CIZ1: variants seen among roughly 807,000 people sequenced by gnomAD.
CIZ1 encodes the protein CDKN1A interacting zinc finger protein 1.
In CIZ1, 58 loss-of-function variants were observed where a neutral mutation model predicts 118.6. That is an observed-to-expected ratio of 0.49 (90% CI 0.40 to 0.61). The LOEUF (loss-of-function observed/expected upper bound fraction) is 0.61, where lower values mean the gene tolerates loss of function less well. Among genes scored for constraint, CIZ1 ranks in the 20% least tolerant of loss-of-function variants. CIZ1 has a pLI of 0.00. For missense variants in CIZ1, 921 were observed against 1,115.9 expected (o/e 0.83, Z 2.49); for synonymous variants, 448 against 443.4 (o/e 1.01, Z -0.13).
At position 128,179,372 on chromosome 9, in the gene CIZ1, C is replaced by T. The variant is rs143724477; in HGVS notation, c.835G>A (p.Val279Met). 168 of 1,612,736 alleles carry T rather than the reference C, an allele frequency of 1.0e-4. No individual in the cohort carries two copies. The African/African-American group carries it at 2.0e-3, about 19-fold the overall frequency. Residue 279 changes from valine to methionine, a missense_variant, in exon 8 of 17, where the codon GTG (valine) becomes ATG (methionine). Coordinates refer to ENST00000372938, the MANE Select transcript of CIZ1 (RefSeq NM_001131016.2). ...TEKEPPGQLQ[V>M]KAQPQARMTV... The stretch of plus-strand genomic sequence containing the variant: ...ATCCGGGCCTGCGGCTGGGCCTTCA[C>T]CTGTAACTGCCCTGGAGGTTCCTTC...
upstream of CIZ1, among the ~76,000 whole-genome samples, chr9:128,194,613 T>C (rs1833331635): frequency 6.6e-6 from 1 of 152,074 alleles, no homozygotes; most frequent in Non-Finnish European, 1.5e-5. Flanking sequence ...GGTCAGGAGT[T>C]CGAGACCAGC....
At chr9:128,168,397 T>A (rs892460328) in intron 14 of CIZ1, among the ~76,000 whole-genome samples, 2 of 151,964 alleles carry the variant, frequency 1.3e-5, no homozygotes, top group Admixed American at 1.3e-4. Flanking sequence ...GCACCTGTGA[T>A]CCCAGCTACT....
chr9:128,173,345 C>T (rs1375791520), intron 11 of CIZ1, among the ~76,000 whole-genome samples: 2 of 151,852 alleles, frequency 1.3e-5, no homozygotes, highest in African/African-American at 4.8e-5. Flanking sequence ...CGGGGTTTCA[C>T]CGTGTTAGCC....
chr9:128,178,225 A>G, intron 9 of CIZ1, 144 bp downstream of exon 9: 3 of 1,010,358 alleles, frequency 3.0e-6, no homozygotes, highest in Non-Finnish European at 4.3e-6. Flanking sequence ...TGGTCTGGCC[A>G]CCCATCCTAG....
chr9:128,167,280 C>T, intron 14 of CIZ1, 116 bp from the exon 15 acceptor site: 1 of 765,850 alleles, frequency 1.3e-6, no homozygotes, highest in Non-Finnish European at 2.1e-6. Flanking sequence ...CCTTGATTTC[C>T]AGGAGGTAGT....
At chr9:128,197,690 C>G (rs969443744) in intron 1 of CIZ1, 3 of 152,292 alleles carry the variant, frequency 2.0e-5, no homozygotes, top group Non-Finnish European at 2.9e-5. Context: ...TCTCTCTCCT[C>G]CCTTACCGCA....
Position 128,176,607 on chromosome 9 carries a change from T to G in CIZ1, c.1819-132A>C. 5.3e-6 allele frequency: 5 copies of G among 935,090 alleles called. 1 individual carries two copies. In the South Asian group the frequency reaches 8.5e-5, roughly 16 times the overall value. 57.9% of individuals were successfully genotyped at this position (935,090 alleles called of 1,614,324 possible). On this transcript the variant is annotated intron_variant, in intron 10 of 16. Coordinates refer to ENST00000372938, the MANE Select transcript of CIZ1 (RefSeq NM_001131016.2). ...TCTCTCACCACACATTTCTCTCTTG[T>G]GTAGGCTAGAGCAGGCATGATAAAC...
intron 5 of CIZ1, among the ~76,000 whole-genome samples, chr9:128,182,843 C>G (rs530558906): frequency 6.6e-6 from 1 of 151,854 alleles, no homozygotes; most frequent in Admixed American, 6.6e-5. Context: ...AGGCTAGTCT[C>G]GAACTCCTGG....
At position 128,203,700 on chromosome 9, in the gene CIZ1, C is replaced by T; in HGVS notation, c.-6+486G>A. The stretch of plus-strand genomic sequence containing the variant: ...ATCCCTGGAGTCCCCGCCCGGGGCA[C>T]TGACGGCGCGGCGACCTCGCAGCCC... On this transcript the variant is annotated intron_variant, in intron 1 of 17. Transcript: ENST00000372948. The surrounding 1 kb of genome is among the most constrained non-coding windows in gnomAD (Gnocchi z 5.3). The T allele has an allele frequency of 7.4e-7, 1 of 1,351,198 alleles. No homozygotes were observed. The highest frequency in any genetic ancestry group is 1.6e-5 in the South Asian group (1 of 61,472). The allele number at this position is 1,351,198 out of a possible 1,614,324, so 83.7% of individuals were successfully genotyped here.
rs1488298275 is a variant in CIZ1, at chr9:128,166,349, C to T, written c.2545G>A (p.Ala849Thr). ...GTCAAAGCGTTCCGGGCGTTGATTG[C>T]GCACCGGCGGCTCACAGGTCGGGTG... Reference protein sequence around the residue: ...PTTRPVSRRCAINARNALTAL... With the variant: ...PTTRPVSRRCTINARNALTAL... Residue 849 changes from alanine (A) to threonine (T), a missense_variant, in exon 17 of 17, where the codon GCA becomes ACA. By Grantham distance (58) the Ala-to-Thr change is moderately conservative. Coordinates refer to ENST00000372938, the MANE Select transcript of CIZ1 (RefSeq NM_001131016.2). The surrounding 1 kb of genome is among the most constrained non-coding windows in gnomAD (Gnocchi z 4.4). The T allele has an allele frequency of 1.9e-6, 3 of 1,562,412 alleles. No homozygotes were observed. Among genetic ancestry groups the T allele is most frequent in the South Asian group, 1.2e-5 (1 of 84,762 alleles).
chr9:128,203,970 T>G lies in CIZ1; in HGVS notation c.-6+216A>C. The G allele has an allele frequency of 6.1e-6, 1 of 163,130 alleles. No homozygotes were observed. Among genetic ancestry groups the G allele is most frequent in the Non-Finnish European group, 1.3e-5 (1 of 75,578 alleles). 10.1% of individuals were successfully genotyped at this position (163,130 alleles called of 1,614,324 possible). A position where few individuals can be genotyped will look rare whatever the true frequency, so the allele number is the denominator to read the frequency against. ...ACATGGGCATGGAGAGAGCCCGCATTACTCAGCGTCTCCGTTGGGCTCCGG... is the reference window on the plus strand; with the variant it reads ...ACATGGGCATGGAGAGAGCCCGCATGACTCAGCGTCTCCGTTGGGCTCCGG... On this transcript the variant is annotated intron_variant, in intron 1 of 17. Transcript: ENST00000372948. The surrounding 1 kb of genome is among the most constrained non-coding windows in gnomAD (Gnocchi z 5.3).
Position 128,185,715 on chromosome 9 carries a change from TG to T in CIZ1, c.419del (p.Pro140HisfsTer30). 1.2e-6 allele frequency: 2 copies of T among 1,611,684 alleles called. No individual in the cohort carries two copies. The highest frequency in any genetic ancestry group is 1.7e-6 in the Non-Finnish European group (2 of 1,178,900). On this transcript the variant is annotated frameshift_variant, in exon 5 of 17. Transcript: ENST00000372938. LOFTEE classifies it high-confidence loss of function. ...GTTGCAAATTTGGAGTGGCCAGTTG[TG>T]GGGGTGTGAGGCTGGGGGCTGCGAG... is the stretch of plus-strand genomic sequence containing the variant. ...PGLAAPSLTP[P>X]QLATPNLQQF...
chr9:128,183,869 G>A (rs1246983144), intron 5 of CIZ1, among the ~76,000 whole-genome samples: 1 of 152,022 alleles, frequency 6.6e-6, no homozygotes, highest in East Asian at 1.9e-4. Flanking sequence ...AGGTTCAAGT[G>A]ATTCTCCTAC....
intron 10 of CIZ1, 108 bp from the exon 11 acceptor site, chr9:128,176,583 C>A (rs1486075467): frequency 7.2e-6 from 8 of 1,117,022 alleles, no homozygotes; most frequent in Non-Finnish European, 8.8e-6. Flanking sequence ...GCGCCCATTT[C>A]TCTCACCACA....
intron 5 of CIZ1, among the ~76,000 whole-genome samples, chr9:128,181,774 G>C (rs950344526): frequency 2.0e-5 from 3 of 151,586 alleles, no homozygotes; most frequent in African/African-American, 7.3e-5. Context: ...CGGGGGGGGG[G>C]GGGGGGTCTC....
Position 128,203,721 on chromosome 9 carries a change from A to C in CIZ1, c.-6+465T>G. The C allele has an allele frequency of 1.6e-6, 2 of 1,241,810 alleles. No individual in the cohort carries two copies. Among genetic ancestry groups the C allele is most frequent in the Non-Finnish European group, 2.0e-6 (2 of 978,622 alleles). 76.9% of individuals were successfully genotyped at this position (1,241,810 alleles called of 1,614,324 possible). A position where few individuals can be genotyped will look rare whatever the true frequency, so the allele number is the denominator to read the frequency against. ...GGCACTGACGGCGCGGCGACCTCGC[A>C]GCCCCCGACGCTGCACCCGCGGCCG... On this transcript the variant is annotated intron_variant, in intron 1 of 17. Transcript: ENST00000372948. The surrounding 1 kb of genome is among the most constrained non-coding windows in gnomAD (Gnocchi z 5.3).
intron 3 of CIZ1, among the ~76,000 whole-genome samples, chr9:128,189,358 G>A (rs13294830): frequency 6.6e-6 from 1 of 152,182 alleles, no homozygotes; most frequent in Non-Finnish European, 1.5e-5. Flanking sequence ...TCAGTTCCCA[G>A]GACCACATCC....
chr9:128,181,377 G>C (rs1469530968), intron 5 of CIZ1, among the ~76,000 whole-genome samples: 2 of 152,160 alleles, frequency 1.3e-5, no homozygotes, highest in Admixed American at 6.5e-5. Flanking sequence ...AAGAGACAGA[G>C]GACACGAGCT....
chr9:128,174,754 G>A (rs1039695900), intron 11 of CIZ1, among the ~76,000 whole-genome samples: 2 of 150,688 alleles, frequency 1.3e-5, no homozygotes, highest in Non-Finnish European at 2.9e-5. Flanking sequence ...CCGCCCCCAG[G>A]TTCAAGCAAT....
Sources: allele counts gnomAD v4.1 joint callset (sites outside exome capture counted in the v4.1 genomes callset), GRCh38; gene constraint gnomAD v4.1.1; non-coding constraint Gnocchi (gnomAD v3.1); transcripts MANE v1.5; gene names NCBI Gene and HGNC (gene_info 2026-07-23, HGNC 2026-07-21).